STPG2: variants seen among roughly 807,000 people sequenced by gnomAD.
STPG2 encodes the protein sperm tail PG-rich repeat containing 2.
In STPG2, 56 loss-of-function variants were observed where a neutral mutation model predicts 54.2. That is an observed-to-expected ratio of 1.03 (90% confidence interval 0.83 to 1.29). STPG2 has a LOEUF of 1.29. Among genes scored for constraint, STPG2 ranks in the 50% most tolerant of loss-of-function variants. The pLI, the probability that STPG2 is intolerant of heterozygous loss-of-function variation, is 0.00. For missense variants in STPG2, 596 were observed against 544.9 expected (o/e 1.09, Z -0.93); for synonymous variants, 200 against 181.8 (o/e 1.10, Z -0.81).
At chr4:98,115,974 T>TCA (rs1739509518) in intron 3 of STPG2, among the ~76,000 whole-genome samples, 1 of 127,812 alleles carries the variant, frequency 7.8e-6, no homozygotes, top group Non-Finnish European at 1.7e-5. Flanking sequence ...AACTACGTTT[T>TCA]TATATGTTTT....
intron 4 of STPG2, among the ~76,000 whole-genome samples, chr4:97,523,808 G>A (rs1386004487): frequency 6.6e-6 from 1 of 151,888 alleles, no homozygotes; most frequent in Non-Finnish European, 1.5e-5. Context: ...CTATTATGTG[G>A]CAGTCACTGC....
intron 4 of STPG2, among the ~76,000 whole-genome samples, chr4:97,490,958 T>G (rs948848391): frequency 6.6e-6 from 1 of 151,596 alleles, no homozygotes; most frequent in Non-Finnish European, 1.5e-5. Context: ...GACCTCAGTT[T>G]ACTCAGCAAA....
At chr4:97,540,751 C>G (rs985657998) in intron 4 of STPG2, among the ~76,000 whole-genome samples, 19 of 152,106 alleles carry the variant, frequency 1.2e-4, no homozygotes, top group African/African-American at 4.6e-4. Flanking sequence ...TCCAGCAGCA[C>G]ATCAAAAAGC....
intron 8 of STPG2, among the ~76,000 whole-genome samples, chr4:97,891,961 T>C (rs986701615): frequency 6.6e-6 from 1 of 152,078 alleles, no homozygotes; most frequent in Non-Finnish European, 1.5e-5. Context: ...TGGTATGTAG[T>C]AGAGGTTTCC....
chr4:97,753,797 T>C (rs1241617656), intron 9 of STPG2, among the ~76,000 whole-genome samples: 4 of 152,090 alleles, frequency 2.6e-5, no homozygotes. Context: ...GTTAACCATT[T>C]GTATATCTAC....
chr4:97,786,551 T>C (rs1726829659), intron 9 of STPG2, among the ~76,000 whole-genome samples: 1 of 152,110 alleles, frequency 6.6e-6, no homozygotes, highest in South Asian at 2.1e-4. Context: ...TCTGAAAATA[T>C]TACATGAAAA....
At chr4:97,724,183 T>C (rs542518095) in intron 9 of STPG2, among the ~76,000 whole-genome samples, 5 of 152,354 alleles carry the variant, frequency 3.3e-5, no homozygotes, top group Admixed American at 3.3e-4. Flanking sequence ...ATAAATGGTA[T>C]TGGAATTTCT....
chr4:97,641,203 CATT>C lies in STPG2; in HGVS notation c.1320+71493_1320+71495del, dbSNP rs144641661. On this transcript the variant is annotated intron_variant, in intron 10 of 10. Coordinates refer to ENST00000295268, the MANE Select transcript of STPG2 (RefSeq NM_174952.3). ...GAGGCAAAACTTCTCTTTTAGCACA[CATT>C]ATTATCAATGTAAAAAACCTAAGGA... 3.3e-3 allele frequency among the ~76,000 whole-genome samples: 502 copies of C among 151,632 alleles called. 3 individuals carry two copies. The highest frequency in any genetic ancestry group is 0.011 in the African/African-American group (474 of 41,500).
intron 10 of STPG2, among the ~76,000 whole-genome samples, chr4:97,678,908 G>C (rs1288608501): frequency 6.6e-6 from 1 of 151,868 alleles, no homozygotes; most frequent in African/African-American, 2.4e-5. Context: ...AGTTTACTGA[G>C]AATGATGATT....
At chr4:97,460,230 A>C (rs145292617) in intron 4 of STPG2, among the ~76,000 whole-genome samples, 64 of 152,116 alleles carry the variant, frequency 4.2e-4, no homozygotes, top group Admixed American at 1.2e-3. Context: ...CCCCATTTAA[A>C]ATTTCAATAT....
At chr4:98,009,881 C>A (rs1476028727) in intron 5 of STPG2, among the ~76,000 whole-genome samples, 1 of 151,936 alleles carries the variant, frequency 6.6e-6, no homozygotes, top group African/African-American at 2.4e-5. Context: ...CTAGGTTTTT[C>A]AGTTTGTTGG....
chr4:97,453,728 G>C (rs1029995432), intron 4 of STPG2, among the ~76,000 whole-genome samples: 1 of 152,140 alleles, frequency 6.6e-6, no homozygotes, highest in Non-Finnish European at 1.5e-5. Context: ...TGAGGAATTA[G>C]TGTGGTATCA....
intron 9 of STPG2, among the ~76,000 whole-genome samples, chr4:97,754,280 C>T (rs530693720): frequency 2.2e-4 from 34 of 152,246 alleles, no homozygotes; most frequent in Non-Finnish European, 3.1e-4. Context: ...AATCCTCAAA[C>T]AGTCCCTGTT....
intron 5 of STPG2, among the ~76,000 whole-genome samples, chr4:98,047,115 G>A (rs1578810899): frequency 6.6e-6 from 1 of 152,052 alleles, no homozygotes; most frequent in African/African-American, 2.4e-5. Context: ...CACTAGAAAT[G>A]TTCACACATC....
chr4:97,786,135 G>C (rs1005308320), intron 9 of STPG2, among the ~76,000 whole-genome samples: 23 of 151,368 alleles, frequency 1.5e-4, no homozygotes, highest in African/African-American at 5.1e-4. Context: ...CCCCAAAAAA[G>C]TTTCCTTGTG....
chr4:97,597,747 G>T (rs1396126371), intron 10 of STPG2, among the ~76,000 whole-genome samples: 2 of 151,970 alleles, frequency 1.3e-5, no homozygotes, highest in Non-Finnish European at 2.9e-5. Flanking sequence ...AAGTATAAGA[G>T]CCATCTATGA....
At chr4:98,072,296 A>G (rs1738028110) in intron 5 of STPG2, among the ~76,000 whole-genome samples, 1 of 152,206 alleles carries the variant, frequency 6.6e-6, no homozygotes, top group Non-Finnish European at 1.5e-5. Context: ...TTCTCAGCAA[A>G]CTAACACAAG....
intron 5 of STPG2, among the ~76,000 whole-genome samples, chr4:98,043,645 A>G (rs1272253214): frequency 2.0e-5 from 3 of 151,962 alleles, no homozygotes; most frequent in Non-Finnish European, 4.4e-5. Context: ...ATGTATTTAT[A>G]TTACATATGC....
intron 1 of STPG2, among the ~76,000 whole-genome samples, chr4:98,136,574 G>T (rs547891162): frequency 7.9e-5 from 12 of 151,732 alleles, no homozygotes; most frequent in Admixed American, 3.3e-4. Context: ...ACACCATTGT[G>T]CAAAATTTTA....
Sources: allele counts gnomAD v4.1 joint callset (sites outside exome capture counted in the v4.1 genomes callset), GRCh38; gene constraint gnomAD v4.1.1; transcripts MANE v1.5; gene names NCBI Gene and HGNC (gene_info 2026-07-23, HGNC 2026-07-21).